Variants in SGCZ observed in about 807,000 individuals in gnomAD.
SGCZ encodes sarcoglycan zeta.
A neutral mutation model predicts 41.3 loss-of-function variants in SGCZ; 40 were observed. That is an observed-to-expected ratio of 0.97 (90% CI 0.75 to 1.26). The LOEUF (loss-of-function observed/expected upper bound fraction) is 1.26. SGCZ is among the 50% of genes most tolerant of loss of function. The probability of loss-of-function intolerance (pLI) is 0.00; values close to 1 mark genes in which losing one functional copy is unlikely to be tolerated. For missense variants in SGCZ, 552 were observed against 369.8 expected (o/e 1.49, Z -4.04); for synonymous variants, 206 against 137.5 (o/e 1.50, Z -3.49).
chr8:14,917,644 T>C (rs1225749553), intron 1 of SGCZ, among the ~76,000 whole-genome samples: 2 of 152,158 alleles, frequency 1.3e-5, no homozygotes, highest in East Asian at 3.9e-4. Context: ...TCTATGTTAA[T>C]AGATCACTTA....
chr8:14,150,110 T>C (rs1031271252), intron 5 of SGCZ, among the ~76,000 whole-genome samples: 5 of 152,072 alleles, frequency 3.3e-5, no homozygotes, highest in African/African-American at 1.2e-4. Flanking sequence ...AAGACATTGG[T>C]CTGGGCAAAA....
chr8:14,772,521 G>A (rs767100111), intron 1 of SGCZ, among the ~76,000 whole-genome samples: 7 of 150,326 alleles, frequency 4.7e-5, no homozygotes, highest in African/African-American at 7.3e-5. Flanking sequence ...CTGCTGTGCT[G>A]CACCCATTAA....
intron 1 of SGCZ, among the ~76,000 whole-genome samples, chr8:14,941,717 A>G (rs938990527): frequency 1.3e-5 from 2 of 151,916 alleles, no homozygotes; most frequent in African/African-American, 4.8e-5. Context: ...GAGAGTTTGT[A>G]CATCTATTCA....
chr8:14,776,045 A>T (rs1800391390), intron 1 of SGCZ, among the ~76,000 whole-genome samples: 2 of 152,246 alleles, frequency 1.3e-5, no homozygotes, highest in South Asian at 4.1e-4. Flanking sequence ...TGAGTATAGA[A>T]ACAAAATGAA....
intron 1 of SGCZ, among the ~76,000 whole-genome samples, chr8:14,687,205 T>G (rs1808640492): frequency 6.7e-6 from 1 of 148,728 alleles, no homozygotes; most frequent in African/African-American, 2.4e-5. Flanking sequence ...AATTTTATTA[T>G]TATTATACTT....
At chr8:14,477,436 A>G (rs962808396) in intron 2 of SGCZ, among the ~76,000 whole-genome samples, 1 of 152,260 alleles carries the variant, frequency 6.6e-6, no homozygotes, top group Admixed American at 6.5e-5. Flanking sequence ...GTTGTTTTAC[A>G]TACTAGTGAT....
intron 1 of SGCZ, among the ~76,000 whole-genome samples, chr8:14,972,799 T>C (rs1420980243): frequency 1.3e-5 from 2 of 152,208 alleles, no homozygotes; most frequent in Non-Finnish European, 2.9e-5. Context: ...CTCCTGATCT[T>C]TGTGCTATTG....
rs564593910 is a variant in SGCZ at position 14,826,446 on chromosome 8, C to G, written c.40-271520G>C. On this transcript the variant is annotated intron_variant, in intron 1 of 7. Coordinates refer to ENST00000382080, the MANE Select transcript of SGCZ (RefSeq NM_139167.4). ...TCATTTATAATCCTTTGGGGATATA[C>G]CCAGTAATGGGATGGCTGGGTCAAA... Among the ~76,000 whole-genome samples, 564 of 152,140 alleles carry G rather than the reference C, an allele frequency of 3.7e-3. 5 individuals carry two copies. The highest frequency in any genetic ancestry group is 0.013 in the African/African-American group (536 of 41,500).
In SGCZ at chr8:14,406,237, C is replaced by T. The variant is rs117198501; in HGVS notation, c.235-82033G>A. On this transcript the variant is annotated intron_variant, in intron 2 of 7. Coordinates refer to ENST00000382080, the MANE Select transcript of SGCZ (RefSeq NM_139167.4). Reference sequence around the variant, plus strand: ...CAAGACTGGTTCCATCTTCCGATGTCGGGCTCAGTTCTCATCTCACAGAGG... The same window carrying T: ...CAAGACTGGTTCCATCTTCCGATGTTGGGCTCAGTTCTCATCTCACAGAGG... Among the ~76,000 whole-genome samples the T allele has an allele frequency of 6.2e-4, 94 of 152,230 alleles. 1 individual carries two copies. The East Asian group carries it at 0.014, about 22-fold the overall frequency.
chr8:14,472,369 T>C (rs769580853), intron 2 of SGCZ, among the ~76,000 whole-genome samples: 5 of 152,110 alleles, frequency 3.3e-5, no homozygotes, highest in Non-Finnish European at 5.9e-5. Flanking sequence ...ACCCAATCAA[T>C]ACCTCTGCAG....
At chr8:14,363,697 T>C (rs1803606143) in intron 2 of SGCZ, among the ~76,000 whole-genome samples, 1 of 152,188 alleles carries the variant, frequency 6.6e-6, no homozygotes, top group South Asian at 2.1e-4. Flanking sequence ...CACAGTGGTT[T>C]GTGGCAGCTG....
At chr8:14,616,372 G>A (rs926543189) in intron 1 of SGCZ, among the ~76,000 whole-genome samples, 2 of 151,854 alleles carry the variant, frequency 1.3e-5, no homozygotes, top group African/African-American at 2.4e-5. Flanking sequence ...TAAAAATGAT[G>A]TAAAATTTTC....
chr8:14,227,698 G>C (rs949208172), intron 4 of SGCZ, among the ~76,000 whole-genome samples: 2 of 152,018 alleles, frequency 1.3e-5, no homozygotes, highest in African/African-American at 4.8e-5. Flanking sequence ...TGAAATATAT[G>C]TTGTCAGGAG....
At chr8:14,814,672 C>T (rs765889516) in intron 1 of SGCZ, among the ~76,000 whole-genome samples, 11 of 152,090 alleles carry the variant, frequency 7.2e-5, no homozygotes, top group Non-Finnish European at 1.0e-4. Flanking sequence ...CTTGCCAGCT[C>T]GGCAGGTAGG....
chr8:15,160,730 TC>T (rs1008824081), intron 1 of SGCZ, among the ~76,000 whole-genome samples: 1 of 152,158 alleles, frequency 6.6e-6, no homozygotes, highest in Non-Finnish European at 1.5e-5. Context: ...TTTCCGATCT[TC>T]CCCATGAATC....
chr8:14,245,133 G>A (rs778290100), intron 3 of SGCZ, among the ~76,000 whole-genome samples: 1 of 152,138 alleles, frequency 6.6e-6, no homozygotes, highest in Non-Finnish European at 1.5e-5. Context: ...ACAGTATGTT[G>A]AAGAGGAGTG....
intron 1 of SGCZ, among the ~76,000 whole-genome samples, chr8:14,646,446 C>T (rs929051449): frequency 3.6e-5 from 4 of 111,208 alleles, no homozygotes; most frequent in Admixed American, 1.1e-4. Flanking sequence ...ATTATCCAAC[C>T]CACTGTTGAT....
At chr8:15,115,278 T>G (rs1343922053) in intron 1 of SGCZ, among the ~76,000 whole-genome samples, 2 of 152,166 alleles carry the variant, frequency 1.3e-5, no homozygotes, top group Admixed American at 1.3e-4. Flanking sequence ...CTAAATGTCT[T>G]GGCAGCAAGT....
intron 1 of SGCZ, among the ~76,000 whole-genome samples, chr8:14,768,181 T>C (rs1800105765): frequency 6.6e-6 from 1 of 152,238 alleles, no homozygotes; most frequent in Non-Finnish European, 1.5e-5. Context: ...GCATTCATGG[T>C]ATCTGTGTGA....
Sources: gnomAD v4.1 joint callset for allele counts (sites outside exome capture counted in the v4.1 genomes callset) on GRCh38, gnomAD v4.1.1 for gene constraint, MANE v1.5 for transcripts, NCBI Gene and HGNC (gene_info 2026-07-23, HGNC 2026-07-21) for gene names.